PTPRD: variants seen among roughly 807,000 people sequenced by gnomAD.
The protein encoded by PTPRD is receptor-type tyrosine-protein phosphatase delta.
Under a neutral mutation model 214.5 loss-of-function variants are expected in PTPRD, and 34 were observed. The observed-to-expected ratio is 0.16, with a 90% CI of 0.12 to 0.21. The LOEUF is 0.21. Among genes scored for constraint, PTPRD ranks in the 10% least tolerant of loss-of-function variants. The pLI is 1.00. For missense variants in PTPRD, 2,545 were observed against 2,398.7 expected (o/e 1.06, Z -1.27); for synonymous variants, 1,128 against 845.7 (o/e 1.33, Z -5.79).
intron 15 of PTPRD, chr9:8,528,060 G>C: frequency 5.3e-6 from 1 of 187,552 alleles, no homozygotes; most frequent in Non-Finnish European, 1.1e-5. Flanking sequence ...TGAAAAGAAA[G>C]CAGATGTGCC....
At chr9:10,433,783 T>A (rs1420455815) in intron 2 of PTPRD, among the ~76,000 whole-genome samples, 3 of 151,920 alleles carry the variant, frequency 2.0e-5, no homozygotes, top group Admixed American at 1.3e-4. Context: ...TATTAAAGAA[T>A]GCTTTTAATG....
At chr9:9,971,011 G>C (rs764870078) in intron 4 of PTPRD, among the ~76,000 whole-genome samples, 1 of 152,044 alleles carries the variant, frequency 6.6e-6, no homozygotes, top group Non-Finnish European at 1.5e-5. Flanking sequence ...AAGAATCTCA[G>C]TTGCTTTTAT....
intron 32 of PTPRD, 96 bp from the exon 33 acceptor site, chr9:8,460,667 G>C (rs1051827771): frequency 1.3e-5 from 16 of 1,234,790 alleles, no homozygotes; most frequent in Middle Eastern, 2.1e-4. Flanking sequence ...GGAAATAGTG[G>C]ATTTAATGAT....
At chr9:9,606,538 T>C (rs1421003770) in intron 7 of PTPRD, among the ~76,000 whole-genome samples, 1 of 152,124 alleles carries the variant, frequency 6.6e-6, no homozygotes, top group African/African-American at 2.4e-5. Context: ...GAAGTTATAT[T>C]ACAATATCTG....
intron 12 of PTPRD, among the ~76,000 whole-genome samples, chr9:8,717,780 C>T (rs140144875): frequency 1.2e-3 from 178 of 152,244 alleles, no homozygotes; most frequent in African/African-American, 4.2e-3. Flanking sequence ...ACCGTTTTAC[C>T]GGACAAGTTC....
chr9:9,580,117 G>T (rs946926151), intron 7 of PTPRD, among the ~76,000 whole-genome samples: 11 of 152,038 alleles, frequency 7.2e-5, no homozygotes, highest in African/African-American at 2.7e-4. Context: ...ATCATTTGTT[G>T]ATAGACAGGT....
rs138714503 is a variant in PTPRD at position 9,568,141 on chromosome 9, T to C, written c.-237+6591A>G. On this transcript the variant is annotated intron_variant, in intron 8 of 45. Transcript: ENST00000381196. ...ATTCTACAACTTCTTAACTTCTTAT[T>C]TGTATAATAAGAAGCCTTTCTTAAA... Among the ~76,000 whole-genome samples the C allele has an allele frequency of 3.5e-3, 533 of 151,994 alleles. 3 individuals are homozygous for C. Among genetic ancestry groups the C allele is most frequent in the Non-Finnish European group, 5.8e-3 (391 of 67,884 alleles).
At position 10,281,009 on chromosome 9, in the gene PTPRD, A is replaced by G. The variant is rs946285314; in HGVS notation, c.-545+59954T>C. 5.3e-5 allele frequency among the ~76,000 whole-genome samples: 8 copies of G among 152,182 alleles called. No individual in the cohort carries two copies. In the East Asian group the frequency reaches 1.5e-3, roughly 29 times the overall value. ...ACTGGTCTAGAAAGAAACAAATTCT[A>G]TATGTAAACCAGCACATTCATCTAG... On this transcript the variant is annotated intron_variant, in intron 3 of 45. Coordinates refer to ENST00000381196, the MANE Select transcript of PTPRD (RefSeq NM_002839.4).
intron 2 of PTPRD, among the ~76,000 whole-genome samples, chr9:10,476,859 G>C (rs1235580937): frequency 1.3e-5 from 2 of 151,924 alleles, no homozygotes; most frequent in Non-Finnish European, 2.9e-5. Context: ...TCATATCTTC[G>C]ACATACCTGA....
intron 2 of PTPRD, among the ~76,000 whole-genome samples, chr9:10,561,531 A>C (rs1206384823): frequency 6.6e-6 from 1 of 152,150 alleles, no homozygotes; most frequent in Non-Finnish European, 1.5e-5. Context: ...TTTCAAAAAA[A>C]ATTTGTTGAA....
intron 3 of PTPRD, among the ~76,000 whole-genome samples, chr9:10,270,138 C>T (rs2094336203): frequency 6.6e-6 from 1 of 151,954 alleles, no homozygotes; most frequent in African/African-American, 2.4e-5. Flanking sequence ...GAAGTGTCAA[C>T]AAGTATACAT....
At chr9:9,326,776 A>G (rs1002130732) in intron 9 of PTPRD, among the ~76,000 whole-genome samples, 3 of 151,572 alleles carry the variant, frequency 2.0e-5, no homozygotes, top group Non-Finnish European at 2.9e-5. Context: ...GATAGAGGGG[A>G]AAAAAAAGGT....
intron 7 of PTPRD, among the ~76,000 whole-genome samples, chr9:9,583,220 A>T (rs2091216093): frequency 6.6e-6 from 1 of 152,050 alleles, no homozygotes; most frequent in Non-Finnish European, 1.5e-5. Context: ...TTGGGTATCA[A>T]TGATATATAA....
rs62536938 is a variant in PTPRD at position 9,980,466 on chromosome 9, G to A, written c.-471-41856C>T. Among the ~76,000 whole-genome samples the A allele has an allele frequency of 5.0e-3, 758 of 151,128 alleles. 4 individuals are homozygous for A. Among genetic ancestry groups the A allele is most frequent in the Non-Finnish European group, 7.9e-3 (535 of 67,816 alleles). ...CTACTAAAAATACAAAAATTAGCCG[G>A]GCATAGTGGTACATGCCTGTAGTCC... On this transcript the variant is annotated intron_variant, in intron 4 of 45. Coordinates refer to ENST00000381196, the MANE Select transcript of PTPRD (RefSeq NM_002839.4).
intron 3 of PTPRD, among the ~76,000 whole-genome samples, chr9:10,133,752 C>T (rs940536958): frequency 1.3e-5 from 2 of 151,956 alleles, no homozygotes; most frequent in East Asian, 3.9e-4. Context: ...ATGAAGAATG[C>T]TTGAATTTCA....
At position 8,893,073 on chromosome 9, in the gene PTPRD, T is replaced by C. The variant is rs538042375; in HGVS notation, c.-104+125624A>G. Among the ~76,000 whole-genome samples, 12 of 152,056 alleles carry C rather than the reference T, an allele frequency of 7.9e-5. No homozygotes were observed. In the South Asian group the frequency reaches 2.5e-3, roughly 32 times the overall value. On this transcript the variant is annotated intron_variant, in intron 11 of 45. Coordinates refer to ENST00000381196, the MANE Select transcript of PTPRD (RefSeq NM_002839.4). Reference sequence around the variant, plus strand: ...AAGAAGTTTGATGGTGGATAAGAGATGAACAGTTTAGACATTTAATTAGGA... The same window carrying C: ...AAGAAGTTTGATGGTGGATAAGAGACGAACAGTTTAGACATTTAATTAGGA...
At chr9:9,879,553 G>A (rs943538954) in intron 5 of PTPRD, among the ~76,000 whole-genome samples, 1 of 152,194 alleles carries the variant, frequency 6.6e-6, no homozygotes, top group African/African-American at 2.4e-5. Context: ...ATTGAAGCTT[G>A]CAAGTATTTG....
chr9:10,608,896 T>G (rs2080196102), intron 2 of PTPRD, among the ~76,000 whole-genome samples: 1 of 152,126 alleles, frequency 6.6e-6, no homozygotes, highest in African/African-American at 2.4e-5. Flanking sequence ...TCTTTACGGA[T>G]GCCAAATGCT....
chr9:10,026,517 A>G (rs961532313), intron 4 of PTPRD, among the ~76,000 whole-genome samples: 1 of 152,226 alleles, frequency 6.6e-6, no homozygotes, highest in Non-Finnish European at 1.5e-5. Flanking sequence ...AGTGAAACAA[A>G]AAAGACAACG....
Sources: allele counts gnomAD v4.1 joint callset (sites outside exome capture counted in the v4.1 genomes callset), GRCh38; gene constraint gnomAD v4.1.1; transcripts MANE v1.5; gene names NCBI Gene and HGNC (gene_info 2026-07-23, HGNC 2026-07-21).